Variants in NCOA1 observed in about 807,000 individuals in gnomAD.
NCOA1 encodes the protein Hin-2 protein.
Under a neutral mutation model 150.9 loss-of-function variants are expected in NCOA1, and 35 were observed. That is an observed-to-expected ratio of 0.23 (90% CI 0.18 to 0.31). The LOEUF is 0.31. Ranked by LOEUF, NCOA1 falls within the 10% of genes least tolerant of loss-of-function variation. NCOA1 has a pLI of 1.00. For synonymous variants in NCOA1, 590 were observed against 630.0 expected (o/e 0.94, Z 0.95); for missense variants, 1,491 against 1,749.3 (o/e 0.85, Z 2.63).
intron 3 of NCOA1, among the ~76,000 whole-genome samples, chr2:24,611,608 C>T (rs1668631035): frequency 6.6e-6 from 1 of 152,078 alleles, no homozygotes; most frequent in South Asian, 2.1e-4. Context: ...GTTGGTGCTC[C>T]AGTGGGTTTA....
At chr2:24,528,296 T>C (rs1221089806) in intron 1 of NCOA1, among the ~76,000 whole-genome samples, 1 of 151,936 alleles carries the variant, frequency 6.6e-6, no homozygotes, top group Non-Finnish European at 1.5e-5. Context: ...TTTCAGGTCT[T>C]ACATTTGAAT....
chr2:24,505,849 A>T (rs903082397), intron 1 of NCOA1, among the ~76,000 whole-genome samples: 8 of 152,174 alleles, frequency 5.3e-5, no homozygotes, highest in African/African-American at 1.9e-4. Flanking sequence ...GGTTCATCCC[A>T]TTGGAGTTGC....
intron 4 of NCOA1, among the ~76,000 whole-genome samples, chr2:24,645,547 G>C (rs1267224286): frequency 1.3e-5 from 2 of 150,984 alleles, no homozygotes; most frequent in Non-Finnish European, 3.0e-5. Flanking sequence ...TCAGTTGCTA[G>C]AGCAAACACA....
chr2:24,747,029 T>C (rs1022972820), intron 19 of NCOA1, among the ~76,000 whole-genome samples: 1 of 152,162 alleles, frequency 6.6e-6, no homozygotes, highest in Admixed American at 6.5e-5. Flanking sequence ...GCTTTGAACC[T>C]AAAGCTTCTC....
At chr2:24,583,411 G>A (rs1350937445) in intron 2 of NCOA1, among the ~76,000 whole-genome samples, 1 of 152,072 alleles carries the variant, frequency 6.6e-6, no homozygotes, top group Non-Finnish European at 1.5e-5. Flanking sequence ...ATGCTGGCAA[G>A]GATGTGGAGG....
intron 17 of NCOA1, among the ~76,000 whole-genome samples, chr2:24,735,183 A>G (rs559569740): frequency 1.3e-3 from 193 of 152,356 alleles, no homozygotes; most frequent in African/African-American, 4.3e-3. Context: ...CCTAGAAGAC[A>G]AAAGACACCA....
chr2:24,505,874 G>A (rs748972535), intron 1 of NCOA1, among the ~76,000 whole-genome samples: 1 of 152,124 alleles, frequency 6.6e-6, no homozygotes, highest in African/African-American at 2.4e-5. Context: ...CCGAGTTAAC[G>A]TAGAGAGTGC....
chr2:24,516,724 A>G lies in NCOA1; in HGVS notation c.-396+25122A>G, dbSNP rs372298844. ...CTCTCCTCTCCCATGTATTAGTATC[A>G]TCTTTCTCACTTTCTCTCTTATACC... On this transcript the variant is annotated intron_variant, in intron 1 of 22. Coordinates refer to ENST00000348332, the MANE Select transcript of NCOA1 (RefSeq NM_003743.5). Among the ~76,000 whole-genome samples the G allele has an allele frequency of 7.0e-4, 104 of 149,512 alleles. No homozygotes were observed. In the South Asian group the frequency reaches 0.021, roughly 30 times the overall value.
intron 1 of NCOA1, among the ~76,000 whole-genome samples, chr2:24,520,917 T>TCTTTAGCCAAACTAGCAA (rs6146684): frequency 0.81 from 122,681 of 151,906 alleles, 51,423 homozygotes; most frequent in East Asian, 0.99. Context: ...CCTTGCTCAT[T>TCTTTAGCCAAACTAGCAA]CTTTGCTGTT....
At position 24,729,492 on chromosome 2, in the gene NCOA1, T is replaced by C; in HGVS notation, c.2887-9T>C. 1 of 1,604,548 alleles carries C rather than the reference T, an allele frequency of 6.2e-7. No homozygotes were observed. ...TATTTGTAAAATATTCTGGCTTCTT[T>C]TCTAACAGGGGGGTGGATTAGATGT... On this transcript the variant is annotated splice_polypyrimidine_tract_variant and intron_variant, in intron 16 of 22. Coordinates refer to ENST00000348332, the MANE Select transcript of NCOA1 (RefSeq NM_003743.5).
chr2:24,768,435 G>A lies in NCOA1; in HGVS notation c.*44G>A. On this transcript the variant is annotated 3_prime_UTR_variant, in exon 23 of 23. Coordinates refer to ENST00000348332, the MANE Select transcript of NCOA1 (RefSeq NM_003743.5). Reference sequence around the variant, plus strand: ...GAAATTTAAATAATAGACATACAGAGATATACAAATATATTATATATTTTT... The same window carrying A: ...GAAATTTAAATAATAGACATACAGAAATATACAAATATATTATATATTTTT... 1 of 1,271,376 alleles carries A rather than the reference G, an allele frequency of 7.9e-7. No homozygotes were observed. Among genetic ancestry groups the A allele is most frequent in the Non-Finnish European group, 1.0e-6 (1 of 968,896 alleles). The allele number at this position is 1,271,376 out of a possible 1,614,324, so 78.8% of individuals were successfully genotyped here.
chr2:24,534,067 G>A (rs1665015320), intron 1 of NCOA1, among the ~76,000 whole-genome samples: 1 of 146,056 alleles, frequency 6.8e-6, no homozygotes, highest in African/African-American at 2.5e-5. Flanking sequence ...GAATCCGTCT[G>A]GTCCTGGACT....
intron 2 of NCOA1, among the ~76,000 whole-genome samples, chr2:24,565,321 TA>T (rs1666454533): frequency 6.6e-6 from 1 of 152,222 alleles, no homozygotes; most frequent in Non-Finnish European, 1.5e-5. Flanking sequence ...TTTTTCCAAA[TA>T]GGCAGAAAGT....
At chr2:24,657,716 A>G (rs1351978399) in intron 4 of NCOA1, among the ~76,000 whole-genome samples, 1 of 152,214 alleles carries the variant, frequency 6.6e-6, no homozygotes. Context: ...AAAGTTTTTC[A>G]GTATGGCTGC....
chr2:24,500,707 A>G (rs116021917), intron 1 of NCOA1, among the ~76,000 whole-genome samples: 46 of 152,314 alleles, frequency 3.0e-4, no homozygotes, highest in Non-Finnish European at 5.3e-4. Context: ...CAAAAAGACA[A>G]ATGTCCCAAG....
intron 3 of NCOA1, among the ~76,000 whole-genome samples, chr2:24,625,260 G>T (rs1269316668): frequency 6.6e-6 from 1 of 150,826 alleles, no homozygotes; most frequent in African/African-American, 2.4e-5. Flanking sequence ...CTGCTACTCA[G>T]GAGGCTGAGG....
intron 4 of NCOA1, among the ~76,000 whole-genome samples, chr2:24,652,317 T>G (rs897265952): frequency 6.6e-6 from 1 of 152,108 alleles, no homozygotes; most frequent in African/African-American, 2.4e-5. Context: ...CTTACGTGTC[T>G]TAGGACTCCA....
In NCOA1 at chr2:24,608,909, T is replaced by C. The variant is rs549899605; in HGVS notation, c.-175+24349T>C. On this transcript the variant is annotated intron_variant, in intron 3 of 22. Coordinates refer to ENST00000348332, the MANE Select transcript of NCOA1 (RefSeq NM_003743.5). ...GTTGGGGTTTGTCTGATGTTTTTCT[T>C]GTGAGGTTGTGGGAAGACTACCATA... Among the ~76,000 whole-genome samples the C allele has an allele frequency of 2.0e-5, 3 of 152,288 alleles. No homozygotes were observed. In the South Asian group the frequency reaches 6.2e-4, roughly 32 times the overall value.
At chr2:24,632,695 G>A (rs1157705314) in intron 3 of NCOA1, among the ~76,000 whole-genome samples, 5 of 152,078 alleles carry the variant, frequency 3.3e-5, no homozygotes, top group African/African-American at 1.2e-4. Flanking sequence ...AAAACCTAAA[G>A]ACAAAAAGAA....
Sources: gnomAD v4.1 joint callset for allele counts (sites outside exome capture counted in the v4.1 genomes callset) on GRCh38, gnomAD v4.1.1 for gene constraint, MANE v1.5 for transcripts, NCBI Gene and HGNC (gene_info 2026-07-23, HGNC 2026-07-21) for gene names.